The following ARID1B variants were observed in gnomAD, a reference collection of about 807,000 sequenced individuals.
The protein encoded by ARID1B is AT-rich interactive domain-containing protein 1B.
In ARID1B, 30 loss-of-function variants were observed where a neutral mutation model predicts 212.3. The observed-to-expected ratio is 0.14, with a 90% CI of 0.11 to 0.19. The LOEUF (loss-of-function observed/expected upper bound fraction) is 0.19, where lower values mean the gene tolerates loss of function less well. Ranked by LOEUF, ARID1B falls within the 10% of genes least tolerant of loss-of-function variation. ARID1B has a pLI of 1.00. For missense variants in ARID1B, 2,891 were observed against 3,204.0 expected (o/e 0.90, Z 2.36); for synonymous variants, 1,402 against 1,301.7 (o/e 1.08, Z -1.66).
At chr6:156,911,939 G>C (rs1267295136) in intron 3 of ARID1B, among the ~76,000 whole-genome samples, 1 of 152,176 alleles carries the variant, frequency 6.6e-6, no homozygotes, top group African/African-American at 2.4e-5. Flanking sequence ...AGAGTTGTTA[G>C]AAAAGGTAAG....
chr6:157,032,512 ATTGTTTTC>A lies in ARID1B; in HGVS notation c.2248-52148_2248-52141del, dbSNP rs1428101349. Among the ~76,000 whole-genome samples the A allele has an allele frequency of 3.3e-5, 5 of 152,154 alleles. No homozygotes were observed. The East Asian group carries it at 9.6e-4, about 29-fold the overall frequency. On this transcript the variant is annotated intron_variant, in intron 4 of 19. Coordinates refer to ENST00000636930, the MANE Select transcript of ARID1B (RefSeq NM_001374828.1). ...TGAGGATATTGATATGTAATGGAAGATTGTTTTCTGGGCGGGTCATTCTTAGCTACAGG... is the reference window on the plus strand; with the variant it reads ...TGAGGATATTGATATGTAATGGAAGATGGGCGGGTCATTCTTAGCTACAGG...
rs995260672 is a variant in ARID1B, at chr6:156,911,346, T to G, written c.2136+9821T>G. Among the ~76,000 whole-genome samples the G allele has an allele frequency of 9.0e-4, 136 of 151,454 alleles. 1 individual carries two copies. Among genetic ancestry groups the G allele is most frequent in the African/African-American group, 3.1e-3 (129 of 41,306 alleles). On this transcript the variant is annotated intron_variant, in intron 3 of 19. Transcript: ENST00000636930. ...ACTCAGCTAAATAATTAGTTTTTTT[T>G]TTTTTTTTTTTTTGCTTTGTTTTTA...
intron 5 of ARID1B, among the ~76,000 whole-genome samples, chr6:157,106,395 C>A (rs573819072): frequency 6.6e-6 from 1 of 152,308 alleles, no homozygotes; most frequent in African/African-American, 2.4e-5. Context: ...GACTAGGGAA[C>A]AATCTACTTC....
At chr6:156,830,319 T>G (rs1165883158) in intron 2 of ARID1B, among the ~76,000 whole-genome samples, 1 of 152,196 alleles carries the variant, frequency 6.6e-6, no homozygotes, top group Non-Finnish European at 1.5e-5. Flanking sequence ...GGCTGGGGCG[T>G]CCCATGGTGC....
At chr6:157,173,567 A>G (rs142510425) in intron 9 of ARID1B, 2 of 152,940 alleles carry the variant, frequency 1.3e-5, no homozygotes, top group East Asian at 3.8e-4. Flanking sequence ...ATAATTTTGC[A>G]AACTATAGAT....
intron 1 of ARID1B, among the ~76,000 whole-genome samples, chr6:156,807,366 A>G (rs574559591): frequency 6.6e-6 from 1 of 151,484 alleles, no homozygotes; most frequent in Non-Finnish European, 1.5e-5. Context: ...ACTGCCCGCC[A>G]TCTAGTTGAG....
At chr6:156,952,312 A>G (rs1005953347) in intron 4 of ARID1B, among the ~76,000 whole-genome samples, 2 of 152,258 alleles carry the variant, frequency 1.3e-5, no homozygotes, top group Non-Finnish European at 2.9e-5. Flanking sequence ...TAATAGCTTA[A>G]TAGTTAGGAT....
intron 14 of ARID1B, 60 bp from the exon 15 acceptor site, chr6:157,189,978 G>T (rs1390022663): frequency 1.3e-6 from 2 of 1,595,546 alleles, no homozygotes; most frequent in Non-Finnish European, 1.7e-6. Context: ...TCTTCTGAAT[G>T]TACTGTTTGG....
chr6:157,186,657 T>A, intron 13 of ARID1B: 1 of 388,830 alleles, frequency 2.6e-6, no homozygotes, highest in South Asian at 2.0e-5. Flanking sequence ...ACAAGATTTT[T>A]AAACACAAAT....
At chr6:157,038,378 T>G (rs2128510890) in intron 4 of ARID1B, among the ~76,000 whole-genome samples, 1 of 152,272 alleles carries the variant, frequency 6.6e-6, no homozygotes, top group East Asian at 1.9e-4. Flanking sequence ...TTTTTTATCC[T>G]ATATGCTTGA....
rs531342871 is a variant in ARID1B, at chr6:157,129,356, A to C, written c.2582-3672A>C. 4.6e-5 allele frequency among the ~76,000 whole-genome samples: 7 copies of C among 152,290 alleles called. No homozygotes were observed. The South Asian group carries it at 1.4e-3, about 32-fold the overall frequency. ...AACAAGACCACAATCTACGCCTTCC[A>C]TTCCCAGTCCACTGCCGTTAGATGA... On this transcript the variant is annotated intron_variant, in intron 6 of 19. Transcript: ENST00000636930.
intron 3 of ARID1B, among the ~76,000 whole-genome samples, chr6:156,927,357 A>T (rs1791306471): frequency 6.6e-6 from 1 of 152,030 alleles, no homozygotes; most frequent in Non-Finnish European, 1.5e-5. Context: ...GGATTTCCTG[A>T]TTGATTTGCA....
intron 8 of ARID1B, among the ~76,000 whole-genome samples, chr6:157,152,605 G>A (rs371312224): frequency 6.6e-6 from 1 of 152,148 alleles, no homozygotes; most frequent in East Asian, 1.9e-4. Flanking sequence ...CACATAACCT[G>A]TGTTGTGCCT....
chr6:156,896,607 A>G (rs1380734776), intron 2 of ARID1B, among the ~76,000 whole-genome samples: 2 of 143,460 alleles, frequency 1.4e-5, no homozygotes, highest in Non-Finnish European at 3.1e-5. Context: ...AAAAGAGGAC[A>G]CAGTGGCTCA....
chr6:157,014,826 A>T (rs1779814133), intron 4 of ARID1B, among the ~76,000 whole-genome samples: 1 of 152,170 alleles, frequency 6.6e-6, no homozygotes, highest in Non-Finnish European at 1.5e-5. Flanking sequence ...TGAGTAAAAA[A>T]TTACCAATTA....
intron 6 of ARID1B, among the ~76,000 whole-genome samples, chr6:157,118,345 T>G (rs964587759): frequency 2.0e-5 from 3 of 152,228 alleles, no homozygotes; most frequent in African/African-American, 7.2e-5. Context: ...TATCATAAGA[T>G]ATACTGGTTG....
At chr6:157,019,533 A>G (rs1009479041) in intron 4 of ARID1B, among the ~76,000 whole-genome samples, 1 of 152,170 alleles carries the variant, frequency 6.6e-6, no homozygotes. Flanking sequence ...TTCACTTCCT[A>G]TTTCTCTCTA....
chr6:156,809,783 C>T (rs950803552), intron 1 of ARID1B, among the ~76,000 whole-genome samples: 1 of 150,354 alleles, frequency 6.7e-6, no homozygotes, highest in African/African-American at 2.4e-5. Context: ...AAGTAGCCTT[C>T]TCAAGTCTGG....
Position 156,778,169 on chromosome 6 carries a change from C to CCACCAGCAG in ARID1B, c.495_503dup (p.Gln165_His167dup), listed in dbSNP as rs1391657989. On this transcript the variant is annotated inframe_insertion, in exon 1 of 20. Transcript: ENST00000636930. ...TTGGCGAAGCCCCCGCCGCGCCGCC[C>CCACCAGCAG]CACCAGCAGCACCACCACCACCACC... 3 of 1,542,426 alleles carry CCACCAGCAG rather than the reference C, an allele frequency of 1.9e-6. 1 individual carries two copies. The South Asian group carries it at 3.6e-5, about 18-fold the overall frequency.
Sources: gnomAD v4.1 joint callset for allele counts (sites outside exome capture counted in the v4.1 genomes callset) on GRCh38, gnomAD v4.1.1 for gene constraint, MANE v1.5 for transcripts, NCBI Gene and HGNC (gene_info 2026-07-23, HGNC 2026-07-21) for gene names.